Variants in NUGGC observed in about 807,000 individuals in gnomAD.
The protein encoded by NUGGC is nuclear GTPase, germinal center associated, also known as nuclear GTPase SLIP-GC.
NUGGC carries 58 observed loss-of-function variants against 92.6 expected under a neutral mutation model. That is an observed-to-expected ratio of 0.63 (90% confidence interval 0.51 to 0.78). NUGGC has a LOEUF of 0.78. Ranked by LOEUF, NUGGC falls within the 30% of genes least tolerant of loss-of-function variation. The probability of loss-of-function intolerance (pLI) is 0.00; values close to 1 mark genes in which losing one functional copy is unlikely to be tolerated. For missense variants in NUGGC, 925 were observed against 964.6 expected (o/e 0.96, Z 0.54); for synonymous variants, 376 against 366.4 (o/e 1.03, Z -0.30).
intron 11 of NUGGC, among the ~76,000 whole-genome samples, chr8:28,047,158 T>C (rs1809859709): frequency 6.6e-6 from 1 of 152,056 alleles, no homozygotes; most frequent in Non-Finnish European, 1.5e-5. Flanking sequence ...TTAGTAGAGA[T>C]GGGGTTTCAC....
rs1810910522 is a variant in NUGGC, at chr8:28,083,915, G to A, written c.-187C>T. On this transcript the variant is annotated 5_prime_UTR_variant, in exon 1 of 19. Transcript: ENST00000413272. ...TAGCCCTTTGGGCCACAATCACAAA[G>A]CCACGTTTACACAGCAGAAGTGAAA... 6.6e-6 allele frequency: 1 copy of A among 152,154 alleles called. No individual in the cohort carries two copies. The highest frequency in any genetic ancestry group is 1.5e-5 in the Non-Finnish European group (1 of 68,030). 9.4% of individuals were successfully genotyped at this position (152,154 alleles called of 1,614,324 possible).
rs567540423 is a variant in NUGGC, at chr8:28,065,346, G to A, written c.712-615C>T. ...GCTAATTTTTGTTGTATTTTTAGTAGAGACAGGGTTTCACCATGTTAGCCA... is the reference window on the plus strand; with the variant it reads ...GCTAATTTTTGTTGTATTTTTAGTAAAGACAGGGTTTCACCATGTTAGCCA... On this transcript the variant is annotated intron_variant, in intron 6 of 18. Coordinates refer to ENST00000413272, the MANE Select transcript of NUGGC (RefSeq NM_001010906.2). Among the ~76,000 whole-genome samples, 18 of 152,184 alleles carry A rather than the reference G, an allele frequency of 1.2e-4. 1 individual carries two copies. The South Asian group carries it at 1.9e-3, about 16-fold the overall frequency.
rs1024636072 is a variant in NUGGC at position 28,045,717 on chromosome 8, G to C, written c.1313-57C>G. On this transcript the variant is annotated intron_variant, in intron 11 of 18. Coordinates refer to ENST00000413272, the MANE Select transcript of NUGGC (RefSeq NM_001010906.2). ...AAAGGCCAGAAGTTTGTGGTCAATA[G>C]AATTCATAAAAGTTGAAAGACCAAG... The C allele has an allele frequency of 4.5e-6, 7 of 1,565,674 alleles. No homozygotes were observed. In the African/African-American group the frequency reaches 9.6e-5, roughly 21 times the overall value.
At position 28,023,331 on chromosome 8, in the gene NUGGC, C is replaced by T. The variant is rs376263360; in HGVS notation, c.2377G>A (p.Gly793Arg). 4.7e-5 allele frequency: 75 copies of T among 1,612,068 alleles called. No individual in the cohort carries two copies. The African/African-American group carries it at 7.2e-4, about 15-fold the overall frequency. The part of the protein sequence containing the change: ...RASPSKAGPP[G>R]TSL ...AGCCCCAGGAGTTACAGTGATGTCC[C>T]GGGGGGGCCAGCCTTGCTGGGGGAT... The change falls in exon 19 of 19, where the codon GGG (glycine) becomes AGG (arginine). Residue 793 changes from glycine (G) to arginine (R), a missense_variant. Gly to Arg is a moderately radical substitution (Grantham distance 125). Transcript: ENST00000413272.
intron 7 of NUGGC, 95 bp from the exon 8 acceptor site, chr8:28,060,696 A>G: frequency 9.0e-7 from 1 of 1,111,188 alleles, no homozygotes; most frequent in Non-Finnish European, 1.3e-6. Context: ...CTCTCCCTCC[A>G]GTCCCACCCC....
intron 13 of NUGGC, among the ~76,000 whole-genome samples, chr8:28,038,727 T>C (rs1809618229): frequency 6.6e-6 from 1 of 152,210 alleles, no homozygotes; most frequent in African/African-American, 2.4e-5. Context: ...CAAATACAAG[T>C]TGCTGCAATC....
chr8:28,027,712 C>A (rs1009617056), intron 17 of NUGGC, among the ~76,000 whole-genome samples: 2 of 152,142 alleles, frequency 1.3e-5, no homozygotes, highest in Non-Finnish European at 2.9e-5. Flanking sequence ...GAGCCCTAAG[C>A]ATACATCTCA....
At chr8:28,025,826 T>A (rs1030955231) in intron 18 of NUGGC, among the ~76,000 whole-genome samples, 1 of 152,194 alleles carries the variant, frequency 6.6e-6, no homozygotes, top group African/African-American at 2.4e-5. Flanking sequence ...CAGGCAACTA[T>A]GGATGTGGTA....
Position 28,051,151 on chromosome 8 carries a change from C to T in NUGGC, c.1207-3539G>A, listed in dbSNP as rs559384513. Among the ~76,000 whole-genome samples, 3 of 152,210 alleles carry T rather than the reference C, an allele frequency of 2.0e-5. No homozygotes were observed. In the South Asian group the frequency reaches 6.2e-4, roughly 32 times the overall value. On this transcript the variant is annotated intron_variant, in intron 10 of 18. Transcript: ENST00000413272. ...ATTATTATTTTTAATGTTATTCTCGCTAAAAGAAACCCCAGATTCCTGGGG... is the reference window on the plus strand; with the variant it reads ...ATTATTATTTTTAATGTTATTCTCGTTAAAAGAAACCCCAGATTCCTGGGG...
chr8:28,023,094 C>A lies in NUGGC; in HGVS notation c.*223G>T. On this transcript the variant is annotated 3_prime_UTR_variant, in exon 19 of 19. Coordinates refer to ENST00000413272, the MANE Select transcript of NUGGC (RefSeq NM_001010906.2). ...CAAAAAAAAAAAAAAAAAAATTACCCAGGTGTGGTGGCCTGTACCTGTAGC... is the reference window on the plus strand; with the variant it reads ...CAAAAAAAAAAAAAAAAAAATTACCAAGGTGTGGTGGCCTGTACCTGTAGC... The A allele has an allele frequency of 2.4e-6, 1 of 408,394 alleles. No homozygotes were observed. Among genetic ancestry groups the A allele is most frequent in the South Asian group, 7.0e-5 (1 of 14,250 alleles). 25.3% of individuals were successfully genotyped at this position (408,394 alleles called of 1,614,324 possible). A position where few individuals can be genotyped will look rare whatever the true frequency, so the allele number is the denominator to read the frequency against.
rs191431376 is a variant in NUGGC at position 28,070,329 on chromosome 8, G to A, written c.71C>T (p.Thr24Met). The A allele has an allele frequency of 1.5e-4, 237 of 1,544,812 alleles. 4 individuals are homozygous for A. The South Asian group carries it at 2.1e-3, about 14-fold the overall frequency. The change falls in exon 3 of 19, where the codon ACG becomes ATG. Residue 24 changes from threonine to methionine, a missense_variant. Thr to Met is a moderately conservative substitution (Grantham distance 81). Coordinates refer to ENST00000413272, the MANE Select transcript of NUGGC (RefSeq NM_001010906.2). ...TCGATCTGATTTCCTTCTTTTTCTC[G>A]TTCGTTCTTTATATAAATCATCTTC... ...PVEDDLYKER[T>M]RKRRKSDRDQ...
intron 1 of NUGGC, among the ~76,000 whole-genome samples, chr8:28,083,524 A>G (rs1049185144): frequency 2.0e-5 from 3 of 152,224 alleles, no homozygotes; most frequent in African/African-American, 7.2e-5. Flanking sequence ...CAGACGTTAG[A>G]TAAAAACCAA....
chr8:28,033,532 T>C lies in NUGGC; in HGVS notation c.1769+8A>G. ...GTTCCCGAAGGTGCAAGATGAGAGA[T>C]CCTTTACCTAAAAATGCTTCCAAAA... On this transcript the variant is annotated splice_region_variant and intron_variant, in intron 14 of 18. Coordinates refer to ENST00000413272, the MANE Select transcript of NUGGC (RefSeq NM_001010906.2). The C allele has an allele frequency of 6.2e-7, 1 of 1,611,728 alleles. No individual in the cohort carries two copies. The highest frequency in any genetic ancestry group is 8.5e-7 in the Non-Finnish European group (1 of 1,179,138).
intron 18 of NUGGC, 132 bp from the exon 19 acceptor site, chr8:28,023,594 A>G: frequency 1.1e-6 from 1 of 890,010 alleles, no homozygotes; most frequent in Non-Finnish European, 1.7e-6. Flanking sequence ...CAGATCAGAC[A>G]TCAAAGCAGG....
intron 14 of NUGGC, 28 bp from the exon 15 acceptor site, chr8:28,031,409 A>G (rs1382450079): frequency 6.2e-7 from 1 of 1,609,514 alleles, no homozygotes; most frequent in African/African-American, 1.3e-5. Context: ...AAAAAAGTTT[A>G]AGAGAATGGT....
rs1303363213 is a variant in NUGGC at position 28,068,211 on chromosome 8, C to T, written c.480+5G>A. ...GAAGGAAGGAGGGAGGAAGGGAACA[C>T]TTACCTGGTCAGACAGAAGGTGGAT... On this transcript the variant is annotated splice_donor_5th_base_variant and intron_variant, in intron 5 of 18. Transcript: ENST00000413272. 2 of 1,534,258 alleles carry T rather than the reference C, an allele frequency of 1.3e-6. No individual in the cohort carries two copies. The highest frequency in any genetic ancestry group is 1.4e-5 in the African/African-American group (1 of 72,576).
intron 11 of NUGGC, among the ~76,000 whole-genome samples, chr8:28,046,289 G>C (rs2130141851): frequency 6.6e-6 from 1 of 152,032 alleles, no homozygotes; most frequent in African/African-American, 2.4e-5. Flanking sequence ...CCATCTCTGG[G>C]AACATTTCAC....
At chr8:28,050,254 G>A (rs2130162987) in intron 10 of NUGGC, among the ~76,000 whole-genome samples, 1 of 150,610 alleles carries the variant, frequency 6.6e-6, no homozygotes, top group South Asian at 2.1e-4. Flanking sequence ...GCATGGTGGT[G>A]AGTGCCTGTA....
intron 10 of NUGGC, among the ~76,000 whole-genome samples, chr8:28,055,137 C>T (rs1037456858): frequency 6.6e-6 from 1 of 151,450 alleles, no homozygotes; most frequent in Non-Finnish European, 1.5e-5. Context: ...CCTGTAATCC[C>T]AGCTACTCAG....
Sources: allele counts gnomAD v4.1 joint callset (sites outside exome capture counted in the v4.1 genomes callset), GRCh38; gene constraint gnomAD v4.1.1; transcripts MANE v1.5; gene names NCBI Gene and HGNC (gene_info 2026-07-23, HGNC 2026-07-21).